PTPRD: variants seen among roughly 807,000 people sequenced by gnomAD.
The protein encoded by PTPRD is protein tyrosine phosphatase receptor type D, also known as receptor-type tyrosine-protein phosphatase delta.
A neutral mutation model predicts 214.5 loss-of-function variants in PTPRD; 34 were observed. The ratio of observed to expected loss-of-function variants is 0.16; its 90% CI spans 0.12 to 0.21. The LOEUF is 0.21. Among genes scored for constraint, PTPRD ranks in the 10% least tolerant of loss-of-function variants. The pLI is 1.00. For synonymous variants in PTPRD, 1,128 were observed against 845.7 expected (o/e 1.33, Z -5.79); for missense variants, 2,545 against 2,398.7 (o/e 1.06, Z -1.27).
At chr9:8,412,009 TAAATAGACAATGTTGACTGAA>T (rs1262992782) in intron 35 of PTPRD, among the ~76,000 whole-genome samples, 2 of 152,234 alleles carry the variant, frequency 1.3e-5, no homozygotes, top group African/African-American at 4.8e-5. Context: ...CTGCTTTGTT[TAAATAGACAATGTTGACTGAA>T]TTGGTAAAAT....
chr9:10,357,137 A>G (rs2097294239), intron 2 of PTPRD, among the ~76,000 whole-genome samples: 1 of 152,210 alleles, frequency 6.6e-6, no homozygotes, highest in Admixed American at 6.5e-5. Flanking sequence ...AAGAAGAACT[A>G]GCAAATATAA....
At chr9:9,557,185 A>T (rs1364817825) in intron 8 of PTPRD, among the ~76,000 whole-genome samples, 8 of 152,194 alleles carry the variant, frequency 5.3e-5, no homozygotes, top group Admixed American at 5.2e-4. Flanking sequence ...CAGCCAAGGC[A>T]TTCCAAATTA....
chr9:9,538,949 T>C (rs1418612840), intron 8 of PTPRD, among the ~76,000 whole-genome samples: 1 of 151,854 alleles, frequency 6.6e-6, no homozygotes, highest in Non-Finnish European at 1.5e-5. Flanking sequence ...TACTTCCTAG[T>C]GCCAGACACT....
intron 2 of PTPRD, among the ~76,000 whole-genome samples, chr9:10,589,732 G>T (rs1427141080): frequency 6.6e-6 from 1 of 152,006 alleles, no homozygotes; most frequent in Non-Finnish European, 1.5e-5. Flanking sequence ...GATATTCATA[G>T]AAGTAGGCAG....
chr9:8,495,926 C>T lies in PTPRD; in HGVS notation c.2349+1316G>A, dbSNP rs78245792. Among the ~76,000 whole-genome samples, 32 of 152,220 alleles carry T rather than the reference C, an allele frequency of 2.1e-4. No homozygotes were observed. The East Asian group carries it at 5.6e-3, about 27-fold the overall frequency. On this transcript the variant is annotated intron_variant, in intron 26 of 45. Coordinates refer to ENST00000381196, the MANE Select transcript of PTPRD (RefSeq NM_002839.4). ...TTCTTTTTATTTCTTCTATATCACT[C>T]TAATATTGAAGAGTTAAAGACTGAC...
chr9:9,006,558 TG>T (rs2099469087), intron 11 of PTPRD, among the ~76,000 whole-genome samples: 1 of 152,042 alleles, frequency 6.6e-6, no homozygotes, highest in Non-Finnish European at 1.5e-5. Flanking sequence ...CAATTCCCAT[TG>T]GGCTGCAATT....
intron 14 of PTPRD, among the ~76,000 whole-genome samples, chr9:8,552,185 C>G (rs1364097082): frequency 6.6e-6 from 1 of 152,128 alleles, no homozygotes; most frequent in Non-Finnish European, 1.5e-5. Context: ...ATAACCACAA[C>G]CCTAGCAAAA....
At chr9:9,099,044 G>GA (rs2099787676) in intron 10 of PTPRD, among the ~76,000 whole-genome samples, 1 of 152,118 alleles carries the variant, frequency 6.6e-6, no homozygotes, top group Non-Finnish European at 1.5e-5. Flanking sequence ...ATATTGATTG[G>GA]AAAAAGCAAG....
At chr9:9,112,696 T>C (rs535155572) in intron 10 of PTPRD, among the ~76,000 whole-genome samples, 1 of 152,126 alleles carries the variant, frequency 6.6e-6, no homozygotes, top group Non-Finnish European at 1.5e-5. Context: ...AGAAAGAGAA[T>C]AAATGTGCAG....
At chr9:9,367,678 A>T (rs1452128598) in intron 9 of PTPRD, among the ~76,000 whole-genome samples, 5 of 151,626 alleles carry the variant, frequency 3.3e-5, no homozygotes, top group African/African-American at 1.2e-4. Flanking sequence ...TTTCCATCAA[A>T]ACTGCCAGAG....
At chr9:10,514,947 A>G (rs1276094134) in intron 2 of PTPRD, among the ~76,000 whole-genome samples, 2 of 152,092 alleles carry the variant, frequency 1.3e-5, no homozygotes, top group Non-Finnish European at 2.9e-5. Flanking sequence ...AAATTAATTC[A>G]TATAAAATTG....
chr9:9,110,598 A>T (rs2099804689), intron 10 of PTPRD, among the ~76,000 whole-genome samples: 1 of 152,120 alleles, frequency 6.6e-6, no homozygotes, highest in South Asian at 2.1e-4. Context: ...CAAGTCAGAA[A>T]CTTGAATTTC....
chr9:10,325,916 C>T (rs1302586712), intron 3 of PTPRD, among the ~76,000 whole-genome samples: 1 of 151,722 alleles, frequency 6.6e-6, no homozygotes, highest in Non-Finnish European at 1.5e-5. Context: ...AAAATTTACA[C>T]CCCACTGTAA....
intron 9 of PTPRD, among the ~76,000 whole-genome samples, chr9:9,301,863 G>T (rs1400706419): frequency 6.6e-6 from 1 of 151,870 alleles, no homozygotes; most frequent in Admixed American, 6.6e-5. Context: ...TGAATAACAG[G>T]TCGATTTCAC....
At chr9:9,345,614 T>C (rs899815807) in intron 9 of PTPRD, among the ~76,000 whole-genome samples, 3 of 152,284 alleles carry the variant, frequency 2.0e-5, no homozygotes, top group African/African-American at 7.2e-5. Flanking sequence ...TCCCCCAAGG[T>C]CATCCCATAT....
chr9:10,070,610 A>G (rs892125539), intron 3 of PTPRD, among the ~76,000 whole-genome samples: 2 of 152,036 alleles, frequency 1.3e-5, no homozygotes, highest in Non-Finnish European at 2.9e-5. Context: ...ATAAAATCAC[A>G]TTACTATATA....
At chr9:10,500,046 A>AATATTGG (rs59768417) in intron 2 of PTPRD, among the ~76,000 whole-genome samples, 31,646 of 151,374 alleles carry the variant, frequency 0.21, 3,521 homozygotes, top group East Asian at 0.37. Flanking sequence ...ACCTTTTTCC[A>AATATTGG]ATATTGGAAT....
At chr9:8,505,349 A>G (rs541358294) in intron 22 of PTPRD, among the ~76,000 whole-genome samples, 11 of 152,274 alleles carry the variant, frequency 7.2e-5, no homozygotes, top group South Asian at 4.1e-4. Context: ...AAGGCCGGGC[A>G]CGGTGGCTCA....
At chr9:8,457,245 G>A (rs1020133602) in intron 33 of PTPRD, among the ~76,000 whole-genome samples, 2 of 152,114 alleles carry the variant, frequency 1.3e-5, no homozygotes, top group Non-Finnish European at 2.9e-5. Flanking sequence ...ACTGGGACTT[G>A]GATTCGGGTT....
Sources: allele counts gnomAD v4.1 joint callset (sites outside exome capture counted in the v4.1 genomes callset), GRCh38; gene constraint gnomAD v4.1.1; transcripts MANE v1.5; gene names NCBI Gene and HGNC (gene_info 2026-07-23, HGNC 2026-07-21).